CIRSR: variants seen among roughly 807,000 people sequenced by gnomAD.
CIRSR encodes the protein CBF1 (RBPJ) interacting corepressor 1.
chr2:174,385,721 A>G, the CIRSR span, among the ~76,000 whole-genome samples: 5 of 152,342 alleles, frequency 3.3e-5, no homozygotes, highest in South Asian at 1.0e-3. Context: ...CAACTGGAGC[A>G]AGAAAATAAG....
At chr2:174,358,228 T>TA in the CIRSR span, 1 of 152,168 alleles carries the variant, frequency 6.6e-6, no homozygotes, top group Non-Finnish European at 1.5e-5. Flanking sequence ...ACAATGAAGA[T>TA]ATTTTATTTT....
the CIRSR span, chr2:174,348,716 G>A: frequency 6.2e-7 from 1 of 1,614,152 alleles, no homozygotes; most frequent in Admixed American, 1.7e-5. Context: ...CGTGGCTTCT[G>A]CTGCTCCCCT....
chr2:174,380,036 T>C, the CIRSR span, among the ~76,000 whole-genome samples: 1 of 152,294 alleles, frequency 6.6e-6, no homozygotes, highest in East Asian at 1.9e-4. Context: ...TTTCTGTCTT[T>C]TATCAGCCTA....
At chr2:174,354,697 ATATAT>A in the CIRSR span, among the ~76,000 whole-genome samples, 39 of 100,172 alleles carry the variant, frequency 3.9e-4, no homozygotes, top group African/African-American at 1.2e-3. Flanking sequence ...TATATAATAC[ATATAT>A]TATATATAAT....
chr2:174,373,168 G>C, the CIRSR span, among the ~76,000 whole-genome samples: 2 of 152,052 alleles, frequency 1.3e-5, no homozygotes, highest in Admixed American at 6.5e-5. Flanking sequence ...TTTTATCATA[G>C]AGTTCAGACA....
the CIRSR span, among the ~76,000 whole-genome samples, chr2:174,367,148 C>T: frequency 6.6e-6 from 1 of 152,100 alleles, no homozygotes; most frequent in Non-Finnish European, 1.5e-5. Flanking sequence ...TCTTAACACA[C>T]CAATTAAAAG....
chr2:174,358,803 C>T, the CIRSR span, among the ~76,000 whole-genome samples: 1 of 152,168 alleles, frequency 6.6e-6, no homozygotes, highest in Non-Finnish European at 1.5e-5. Flanking sequence ...ACCTCTGCCT[C>T]CCAGGTTCAA....
At chr2:174,377,282 C>A in the CIRSR span, among the ~76,000 whole-genome samples, 1 of 152,214 alleles carries the variant, frequency 6.6e-6, no homozygotes, top group Non-Finnish European at 1.5e-5. Context: ...GTATATAACA[C>A]ACACCACTCC....
chr2:174,349,327 G>C, the CIRSR span, among the ~76,000 whole-genome samples: 2 of 151,992 alleles, frequency 1.3e-5, no homozygotes, highest in African/African-American at 4.8e-5. Flanking sequence ...AGCACTTTGG[G>C]AGGCCACGGC....
chr2:174,358,231 T>C, the CIRSR span: 1 of 152,156 alleles, frequency 6.6e-6, no homozygotes, highest in African/African-American at 2.4e-5. Context: ...ATGAAGATAT[T>C]TTATTTTTAT....
At chr2:174,351,904 A>C in the CIRSR span, 1 of 441,170 alleles carries the variant, frequency 2.3e-6, no homozygotes, top group Non-Finnish European at 4.0e-6. Context: ...GGAGATTCAG[A>C]ATAGAAAATA....
the CIRSR span, among the ~76,000 whole-genome samples, chr2:174,354,773 T>A: frequency 8.8e-3 from 1,061 of 120,612 alleles, 7 homozygotes; most frequent in East Asian, 0.016. Context: ...TATATATATT[T>A]TTTTTTTTGG....
the CIRSR span, among the ~76,000 whole-genome samples, chr2:174,352,238 C>T: frequency 1.8e-4 from 27 of 152,196 alleles, no homozygotes; most frequent in African/African-American, 6.5e-4. Flanking sequence ...TACACACACA[C>T]ACACACCTAT....
At chr2:174,377,892 G>C in the CIRSR span, among the ~76,000 whole-genome samples, 2 of 149,774 alleles carry the variant, frequency 1.3e-5, no homozygotes, top group Non-Finnish European at 3.0e-5. Flanking sequence ...AGGAGAACTG[G>C]CACTTTGAAC....
chr2:174,377,028 A>G, the CIRSR span, among the ~76,000 whole-genome samples: 1 of 152,168 alleles, frequency 6.6e-6, no homozygotes, highest in Non-Finnish European at 1.5e-5. Flanking sequence ...ATTAAAAGAA[A>G]GCACTGAGTC....
chr2:174,387,775 C>A, the CIRSR span: 1 of 1,582,064 alleles, frequency 6.3e-7, no homozygotes, highest in South Asian at 1.2e-5. Flanking sequence ...TTCTGCCATC[C>A]ATACCTAGAT....
chr2:174,376,667 A>G, the CIRSR span, among the ~76,000 whole-genome samples: 612 of 151,912 alleles, frequency 4.0e-3, 5 homozygotes, highest in African/African-American at 0.014. Context: ...GCGTGGTGGC[A>G]GGCACCTGTA....
the CIRSR span, among the ~76,000 whole-genome samples, chr2:174,372,474 A>T: frequency 1.3e-5 from 2 of 152,246 alleles, no homozygotes; most frequent in African/African-American, 2.4e-5. Context: ...TTATTTGACC[A>T]AAGGTTGTAA....
At chr2:174,390,689 C>CA in the CIRSR span, among the ~76,000 whole-genome samples, 5 of 138,066 alleles carry the variant, frequency 3.6e-5, no homozygotes, top group Middle Eastern at 3.5e-3. Context: ...ATAATCCCCG[C>CA]GTATCGTGGG....
Sources: allele counts gnomAD v4.1 joint callset (sites outside exome capture counted in the v4.1 genomes callset), GRCh38; gene constraint gnomAD v4.1.1; transcripts MANE v1.5; gene names NCBI Gene and HGNC (gene_info 2026-07-23, HGNC 2026-07-21).